PPARA: variants seen among roughly 807,000 people sequenced by gnomAD.
PPARA encodes the protein peroxisome proliferator activated receptor alpha.
Under a neutral mutation model 42.2 loss-of-function variants are expected in PPARA, and 22 were observed. The ratio of observed to expected loss-of-function variants is 0.52; its 90% confidence interval spans 0.37 to 0.74. PPARA has a LOEUF of 0.74. PPARA is among the 30% of genes least tolerant of loss of function. PPARA has a pLI of 0.00. For missense variants in PPARA, 465 were observed against 608.2 expected (o/e 0.76, Z 2.48); for synonymous variants, 242 against 239.3 (o/e 1.01, Z -0.10).
In PPARA at chr22:46,150,780, G is replaced by T. The variant is rs1427198932; in HGVS notation, c.-210+128G>T. 6.6e-6 allele frequency: 1 copy of T among 151,028 alleles called. No individual in the cohort carries two copies. Among genetic ancestry groups the T allele is most frequent in the Non-Finnish European group, 1.5e-5 (1 of 67,666 alleles). The allele number at this position is 151,028 out of a possible 1,614,324, so 9.4% of individuals were successfully genotyped here. Reference sequence around the variant, plus strand: ...CAGGGGCTGGGCGGCGCATGCGCGGGGCCCGGGGTCTCGGGGTCTCCGGGT... The same window carrying T: ...CAGGGGCTGGGCGGCGCATGCGCGGTGCCCGGGGTCTCGGGGTCTCCGGGT... On this transcript the variant is annotated intron_variant, in intron 1 of 8. Transcript: ENST00000407236. This position sits in a 1 kb window ranked among gnomAD's most constrained non-coding sequence, Gnocchi z 7.5.
Position 46,191,152 on chromosome 22 carries a change from C to A in PPARA, c.-42-7190C>A, listed in dbSNP as rs1931489128. Among the ~76,000 whole-genome samples the A allele has an allele frequency of 6.6e-6, 1 of 152,164 alleles. No individual in the cohort carries two copies. Among genetic ancestry groups the A allele is most frequent in the Non-Finnish European group, 1.5e-5 (1 of 68,036 alleles). ...GGGGTTGCAGTGAGCCGAGATTGCA[C>A]AACTGCACTCCAGCCTGGGTGACAG... On this transcript the variant is annotated intron_variant, in intron 3 of 8. Transcript: ENST00000407236. The surrounding 1 kb of genome is among the most constrained non-coding windows in gnomAD (Gnocchi z 4.6).
intron 4 of PPARA, among the ~76,000 whole-genome samples, chr22:46,213,548 C>T (rs1482761238): frequency 6.6e-6 from 1 of 151,768 alleles, no homozygotes; most frequent in African/African-American, 2.4e-5. Context: ...GCTGGGACTA[C>T]AGGCACGCAC....
At chr22:46,209,127 G>A (rs1165238015) in intron 4 of PPARA, among the ~76,000 whole-genome samples, 4 of 152,088 alleles carry the variant, frequency 2.6e-5, no homozygotes, top group Admixed American at 2.6e-4. Context: ...TTTTTTTGAG[G>A]AACCTCCATA....
intron 3 of PPARA, among the ~76,000 whole-genome samples, chr22:46,177,107 A>G (rs777435747): frequency 6.6e-6 from 1 of 152,178 alleles, no homozygotes; most frequent in Non-Finnish European, 1.5e-5. Context: ...GCTACTCAGG[A>G]GGCTGAGGCA....
chr22:46,201,469 C>A (rs1160310341), intron 4 of PPARA, among the ~76,000 whole-genome samples: 2 of 151,948 alleles, frequency 1.3e-5, no homozygotes, highest in African/African-American at 2.4e-5. Context: ...GAGATCATGG[C>A]CCCCAGAGCA....
rs1931737551 is a variant in PPARA at position 46,192,795 on chromosome 22, A to G, written c.-42-5547A>G. ...ATACACAATGGAGTACTATTCAGCCATAAAAAAGAATGAGATCCTGTCATT... is the reference window on the plus strand; with the variant it reads ...ATACACAATGGAGTACTATTCAGCCGTAAAAAAGAATGAGATCCTGTCATT... On this transcript the variant is annotated intron_variant, in intron 3 of 8. Transcript: ENST00000407236. This position sits in a 1 kb window ranked among gnomAD's most constrained non-coding sequence, Gnocchi z 4.3. Among the ~76,000 whole-genome samples the G allele has an allele frequency of 6.6e-6, 1 of 152,238 alleles. No homozygotes were observed. Among genetic ancestry groups the G allele is most frequent in the Non-Finnish European group, 1.5e-5 (1 of 68,042 alleles).
rs1195458801 is a variant in PPARA, at chr22:46,230,240, G to A, written c.712-1552G>A. ...TACAAAATTAGCTGGGCGTGGTGGC[G>A]CATGCCTGTAATCCCAGCTACTCAG... On this transcript the variant is annotated intron_variant, in intron 7 of 8. Coordinates refer to ENST00000407236, the MANE Select transcript of PPARA (RefSeq NM_005036.6). The surrounding 1 kb of genome is among the most constrained non-coding windows in gnomAD (Gnocchi z 5.0). 1.3e-5 allele frequency among the ~76,000 whole-genome samples: 2 copies of A among 152,136 alleles called. No homozygotes were observed. The highest frequency in any genetic ancestry group is 1.5e-5 in the Non-Finnish European group (1 of 68,014).
At chr22:46,207,668 A>ATTTTTTTTTTTTTTTT (rs1219618915) in intron 4 of PPARA, among the ~76,000 whole-genome samples, 1 of 79,768 alleles carries the variant, frequency 1.3e-5, no homozygotes, top group Non-Finnish European at 2.5e-5. Context: ...TATTATTATT[A>ATTTTTTTTTTTTTTTT]TTATTATTAT....
At chr22:46,179,900 A>C (rs1356079792) in intron 3 of PPARA, among the ~76,000 whole-genome samples, 1 of 152,230 alleles carries the variant, frequency 6.6e-6, no homozygotes, top group Non-Finnish European at 1.5e-5. Context: ...AATGGGCAAG[A>C]GATCTGAACA....
chr22:46,166,784 A>C (rs746219130), intron 2 of PPARA, among the ~76,000 whole-genome samples: 15 of 152,216 alleles, frequency 9.9e-5, no homozygotes, highest in Non-Finnish European at 2.1e-4. Context: ...CAGAAGACTC[A>C]GTATCTTAGG....
In PPARA at chr22:46,224,597, A is replaced by T. The variant is rs1261719431; in HGVS notation, c.711+4583A>T. Among the ~76,000 whole-genome samples, 5 of 152,206 alleles carry T rather than the reference A, an allele frequency of 3.3e-5. No homozygotes were observed. The highest frequency in any genetic ancestry group is 7.3e-5 in the Non-Finnish European group (5 of 68,044). ...GCCCCACAGAGCCTCAGGAAGGCACACTGACCTCAGGGCCGGCGGCTGACT... is the reference window on the plus strand; with the variant it reads ...GCCCCACAGAGCCTCAGGAAGGCACTCTGACCTCAGGGCCGGCGGCTGACT... On this transcript the variant is annotated intron_variant, in intron 7 of 8. Transcript: ENST00000407236. The surrounding 1 kb of genome is among the most constrained non-coding windows in gnomAD (Gnocchi z 5.7).
rs1925335726 is a variant in PPARA, at chr22:46,156,627, A to C, written c.-127+4657A>C. The C allele has an allele frequency of 6.6e-6, 1 of 152,168 alleles. No individual in the cohort carries two copies. The highest frequency in any genetic ancestry group is 6.6e-5 in the Admixed American group (1 of 15,266). The allele number at this position is 152,168 out of a possible 1,614,324, so 9.4% of individuals were successfully genotyped here. A position where few individuals can be genotyped will look rare whatever the true frequency, so the allele number is the denominator to read the frequency against. On this transcript the variant is annotated intron_variant, in intron 2 of 8. Transcript: ENST00000407236. This position sits in a 1 kb window ranked among gnomAD's most constrained non-coding sequence, Gnocchi z 5.2. Reference sequence around the variant, plus strand: ...GTGTTTGTTTTTGTTTTTGAGACAGAGTCTCACTCTGTCACCCAGGCTGCA... The same window carrying C: ...GTGTTTGTTTTTGTTTTTGAGACAGCGTCTCACTCTGTCACCCAGGCTGCA...
intron 2 of PPARA, among the ~76,000 whole-genome samples, chr22:46,153,699 A>T (rs1342442732): frequency 6.6e-6 from 1 of 151,986 alleles, no homozygotes; most frequent in Non-Finnish European, 1.5e-5. Context: ...TCTCTACTAA[A>T]AATACAAAAA....
chr22:46,205,465 C>T (rs1419117985), intron 4 of PPARA, among the ~76,000 whole-genome samples: 1 of 140,026 alleles, frequency 7.1e-6, no homozygotes, highest in South Asian at 2.3e-4. Context: ...AGTGATCTGC[C>T]CATCTCAGCC....
chr22:46,155,667 A>G (rs1925201545), intron 2 of PPARA: 1 of 152,142 alleles, frequency 6.6e-6, no homozygotes, highest in Admixed American at 6.5e-5. Context: ...GAAATGTGCT[A>G]TGTCTGTCAT....
chr22:46,221,177 C>T lies in PPARA; in HGVS notation c.711+1163C>T, dbSNP rs1330581930. Among the ~76,000 whole-genome samples, 4 of 152,132 alleles carry T rather than the reference C, an allele frequency of 2.6e-5. No individual in the cohort carries two copies. Among genetic ancestry groups the T allele is most frequent in the Non-Finnish European group, 5.9e-5 (4 of 68,028 alleles). On this transcript the variant is annotated intron_variant, in intron 7 of 8. Transcript: ENST00000407236. The surrounding 1 kb of genome is among the most constrained non-coding windows in gnomAD (Gnocchi z 5.9). ...CAGGAGCAAAAACAAGAGACACACA[C>T]TTTTCACCCATCAGATCTTGTGAGA...
intron 3 of PPARA, among the ~76,000 whole-genome samples, chr22:46,177,213 A>AAAAT (rs1305713537): frequency 1.5e-5 from 2 of 137,836 alleles, no homozygotes; most frequent in Non-Finnish European, 3.3e-5. Flanking sequence ...CCTGTCTCAA[A>AAAAT]AAATAAAATA....
rs201836521 is a variant in PPARA, at chr22:46,232,055, G to A, written c.975G>A (p.Met325Ile). The change falls in exon 8 of 9, where the codon ATG becomes ATA. Residue 325 changes from methionine (M) to isoleucine (I), a missense_variant. Around this residue, in one of 2 missense-constraint regions of PPARA, gnomAD observed 313 missense variants for 469.1 expected, o/e 0.67. Transcript: ENST00000407236. The surrounding 1 kb of genome is among the most constrained non-coding windows in gnomAD (Gnocchi z 5.3). ...EAIFAMLSSV[M>I]NKDGMLVAYG... The stretch of plus-strand genomic sequence containing the variant: ...TATTCGCCATGCTGTCTTCTGTGAT[G>A]AACAAAGACGGGATGCTGGTAGCGT... 1.9e-6 allele frequency: 3 copies of A among 1,614,216 alleles called. No individual in the cohort carries two copies. In the South Asian group the frequency reaches 3.3e-5, roughly 18 times the overall value.
At chr22:46,186,282 C>A (rs896209305) in intron 3 of PPARA, among the ~76,000 whole-genome samples, 1 of 152,066 alleles carries the variant, frequency 6.6e-6, no homozygotes, top group African/African-American at 2.4e-5. Flanking sequence ...GTCTTGGTTA[C>A]TTGTAAGGTC....
Sources: allele counts gnomAD v4.1 joint callset (sites outside exome capture counted in the v4.1 genomes callset), GRCh38; gene constraint gnomAD v4.1.1; regional missense constraint gnomAD v4.1.1; non-coding constraint Gnocchi (gnomAD v3.1); transcripts MANE v1.5; gene names NCBI Gene and HGNC (gene_info 2026-07-23, HGNC 2026-07-21).